The following APCDD1L variants were observed in gnomAD, a reference collection of about 807,000 sequenced individuals.
APCDD1L encodes the protein protein APCDD1-like.
APCDD1L carries 21 observed loss-of-function variants against 24.2 expected under a neutral mutation model. The ratio of observed to expected loss-of-function variants is 0.87; its 90% CI spans 0.61 to 1.25. The LOEUF (loss-of-function observed/expected upper bound fraction) is 1.25. Ranked by LOEUF, APCDD1L falls within the 50% of genes most tolerant of loss-of-function variation. The pLI, the probability that APCDD1L is intolerant of heterozygous loss-of-function variation, is 0.00. For synonymous variants in APCDD1L, 321 were observed against 323.6 expected (o/e 0.99, Z 0.09); for missense variants, 704 against 711.7 (o/e 0.99, Z 0.12).
In APCDD1L at chr20:58,514,525, G is replaced by T. The variant is rs1990701198; in HGVS notation, c.49+134C>A. 35 of 918,852 alleles carry T rather than the reference G, an allele frequency of 3.8e-5. No homozygotes were observed. The South Asian group carries it at 5.6e-4, about 15-fold the overall frequency. The allele number at this position is 918,852 out of a possible 1,614,324, so 56.9% of individuals were successfully genotyped here. On this transcript the variant is annotated intron_variant, in intron 1 of 3. Transcript: ENST00000371149. ...GCCAGGTGAGACTGGAGAAAGGCGC[G>T]CAGGGCGCAGCATAGCAGCCGCGTG...
chr20:58,493,572 CATA>C (rs1452422424), intron 1 of APCDD1L, among the ~76,000 whole-genome samples: 13 of 152,208 alleles, frequency 8.5e-5, no homozygotes, highest in Middle Eastern at 3.4e-3. Flanking sequence ...ACCTTAGAAA[CATA>C]ATATCGAGTG....
In APCDD1L at chr20:58,461,388, G is replaced by C; in HGVS notation, c.908C>G (p.Thr303Ser). The C allele has an allele frequency of 1.9e-6, 3 of 1,557,536 alleles. No homozygotes were observed. In the South Asian group the frequency reaches 3.6e-5, roughly 19 times the overall value. Residue 303 changes from threonine (T) to serine (S), a missense_variant, in exon 4 of 4, where the codon ACT becomes AGT. Physicochemically the swap from Thr to Ser is moderately conservative, Grantham distance 58 (BLOSUM62 1). Coordinates refer to ENST00000371149, the MANE Select transcript of APCDD1L (RefSeq NM_153360.3). This position sits in a 1 kb window ranked among gnomAD's most constrained non-coding sequence, Gnocchi z 6.0. ...CCAGGAGCGGCTGTGCCCGTGGAAA[G>C]TGAAGAGCCGGGTGAGGAACAGGAC... The part of the protein sequence containing the change: ...PAVLFLTRLF[T>S]FHGHSRSWEG...
In APCDD1L at chr20:58,494,364, G is replaced by T. The variant is rs1452182150; in HGVS notation, c.49+20295C>A. ...TTCTTTCCTTTTTTCTTGAGTCAGG[G>T]TTTCATTCTGTCGCATAGGCTAGAG... On this transcript the variant is annotated intron_variant, in intron 1 of 3. Transcript: ENST00000371149. This position sits in a 1 kb window ranked among gnomAD's most constrained non-coding sequence, Gnocchi z 4.8. Among the ~76,000 whole-genome samples the T allele has an allele frequency of 1.3e-5, 2 of 150,262 alleles. No homozygotes were observed. Among genetic ancestry groups the T allele is most frequent in the South Asian group, 4.2e-4 (2 of 4,758 alleles).
intron 2 of APCDD1L, among the ~76,000 whole-genome samples, chr20:58,468,884 C>T (rs933115662): frequency 2.6e-5 from 4 of 151,972 alleles, no homozygotes; most frequent in Admixed American, 2.6e-4. Context: ...TTTTTTGTAC[C>T]AGGGCTGTTG....
intron 1 of APCDD1L, among the ~76,000 whole-genome samples, chr20:58,505,807 G>A (rs1010289209): frequency 1.3e-5 from 2 of 152,144 alleles, no homozygotes; most frequent in African/African-American, 2.4e-5. Flanking sequence ...AGCAGGGTGA[G>A]CCCTAAATCC....
At chr20:58,476,471 G>A (rs374947137) in intron 1 of APCDD1L, among the ~76,000 whole-genome samples, 2 of 152,230 alleles carry the variant, frequency 1.3e-5, no homozygotes, top group Admixed American at 6.5e-5. Flanking sequence ...TTACAGGCGT[G>A]AGCCACTGCG....
At chr20:58,473,087 C>T (rs1050877523) in intron 1 of APCDD1L, among the ~76,000 whole-genome samples, 1 of 152,116 alleles carries the variant, frequency 6.6e-6, no homozygotes, top group Non-Finnish European at 1.5e-5. Context: ...GGAAAAGGAT[C>T]AAAAGGGGTC....
chr20:58,513,976 G>A, intron 1 of APCDD1L: 1 of 1,286,814 alleles, frequency 7.8e-7, no homozygotes, highest in South Asian at 1.3e-5. Context: ...TTTGTCAGTG[G>A]TGACTGGGCC....
At position 58,461,151 on chromosome 20, in the gene APCDD1L, G is replaced by T; in HGVS notation, c.1145C>A (p.Ala382Glu). ...NFSEPSSCGG[A>E]GAWSMGTERD... ...CTCAGTGCCCATGGACCAGGCCCCC[G>T]CACCCCCACAGCTGCTTGGCTCAGA... Residue 382 changes from alanine (A) to glutamate (E), a missense_variant, in exon 4 of 4, where the codon GCG becomes GAG. By Grantham distance (107) the Ala-to-Glu change is moderately radical. Transcript: ENST00000371149. The surrounding 1 kb of genome is among the most constrained non-coding windows in gnomAD (Gnocchi z 6.0). 1 of 1,612,678 alleles carries T rather than the reference G, an allele frequency of 6.2e-7. No homozygotes were observed. The highest frequency in any genetic ancestry group is 8.5e-7 in the Non-Finnish European group (1 of 1,179,292).
Position 58,497,819 on chromosome 20 carries a change from C to A in APCDD1L, c.49+16840G>T, listed in dbSNP as rs1164941775. ...GATCACATGGCTGGTGGAGAAGGGA[C>A]CTTGTGCGGCCTCTATTAATAGATT... On this transcript the variant is annotated intron_variant, in intron 1 of 3. Transcript: ENST00000371149. This position sits in a 1 kb window ranked among gnomAD's most constrained non-coding sequence, Gnocchi z 4.3. Among the ~76,000 whole-genome samples the A allele has an allele frequency of 6.6e-6, 1 of 152,150 alleles. No individual in the cohort carries two copies. The highest frequency in any genetic ancestry group is 1.9e-4 in the East Asian group (1 of 5,190).
intron 1 of APCDD1L, among the ~76,000 whole-genome samples, chr20:58,493,398 A>G (rs1379701287): frequency 6.6e-6 from 1 of 152,254 alleles, no homozygotes; most frequent in Non-Finnish European, 1.5e-5. Context: ...CAACAAGTCC[A>G]AGAAGGTTCC....
intron 1 of APCDD1L, among the ~76,000 whole-genome samples, chr20:58,479,541 C>T (rs1186440399): frequency 6.6e-6 from 1 of 151,484 alleles, no homozygotes; most frequent in Non-Finnish European, 1.5e-5. Flanking sequence ...TTAGCCCAAA[C>T]AGTCCCTATC....
intron 1 of APCDD1L, among the ~76,000 whole-genome samples, chr20:58,478,917 G>A (rs77813321): frequency 6.6e-6 from 1 of 152,058 alleles, no homozygotes; most frequent in African/African-American, 2.4e-5. Flanking sequence ...GGAGATTGGT[G>A]TGTGAGCATC....
intron 1 of APCDD1L, among the ~76,000 whole-genome samples, chr20:58,506,022 C>A (rs901920269): frequency 2.0e-5 from 3 of 152,168 alleles, no homozygotes; most frequent in Non-Finnish European, 4.4e-5. Flanking sequence ...CATGGCCCCA[C>A]TGATACCTTG....
In APCDD1L at chr20:58,460,435, A is replaced by G. The variant is rs2180482; in HGVS notation, c.*355T>C. On this transcript the variant is annotated 3_prime_UTR_variant, in exon 4 of 4. Transcript: ENST00000371149. This position sits in a 1 kb window ranked among gnomAD's most constrained non-coding sequence, Gnocchi z 4.2. ...GTCAGGATGGGAAGAACTGGGGGGA[A>G]CATGGGATGGGGGTGTTCCGTGTGG... The G allele has an allele frequency of 0.19, 35,710 of 188,896 alleles. 3,765 individuals carry two copies. Among genetic ancestry groups the G allele is most frequent in the East Asian group, 0.33 (2,503 of 7,484 alleles). The allele number at this position is 188,896 out of a possible 1,614,324, so 11.7% of individuals were successfully genotyped here. A position where few individuals can be genotyped will look rare whatever the true frequency, so the allele number is the denominator to read the frequency against.
Position 58,460,901 on chromosome 20 carries a change from T to C in APCDD1L, c.1395A>G (p.Pro465=). The change falls in exon 4 of 4, where the codon CCA becomes CCG. Residue 465 remains proline, a synonymous_variant. Transcript: ENST00000371149. This position sits in a 1 kb window ranked among gnomAD's most constrained non-coding sequence, Gnocchi z 4.2. ...TCTGCAGCGATGGCCTGTGCTGCGG[T>C]GGCCTGGAGAAGTCGGGGGCCTCCC... ...CHGEAPDFSR[P]PQHRPSLQKH... is the part of the protein sequence containing the mutation. 2 of 1,609,184 alleles carry C rather than the reference T, an allele frequency of 1.2e-6. No individual in the cohort carries two copies. The highest frequency in any genetic ancestry group is 1.7e-6 in the Non-Finnish European group (2 of 1,176,756).
chr20:58,465,289 C>T (rs760107971), intron 3 of APCDD1L, among the ~76,000 whole-genome samples: 1 of 152,102 alleles, frequency 6.6e-6, no homozygotes, highest in Admixed American at 6.6e-5. Flanking sequence ...ATGAGAACTT[C>T]GTGTCGTGCT....
rs770513395 is a variant in APCDD1L at position 58,505,300 on chromosome 20, A to T, written c.49+9359T>A. ...GGCTCATCTTGAACTTCTGAACTCA[A>T]GTGATTCTCCCACTTTGGCCTCCCA... On this transcript the variant is annotated intron_variant, in intron 1 of 3. Transcript: ENST00000371149. 1.8e-4 allele frequency among the ~76,000 whole-genome samples: 28 copies of T among 152,078 alleles called. 1 individual carries two copies. Among genetic ancestry groups the T allele is most frequent in the Admixed American group, 1.6e-3 (24 of 15,276 alleles).
chr20:58,471,294 G>A (rs1189222285), intron 1 of APCDD1L, among the ~76,000 whole-genome samples: 3 of 152,228 alleles, frequency 2.0e-5, no homozygotes, highest in Non-Finnish European at 2.9e-5. Flanking sequence ...GAGGCCACTC[G>A]CTTCAGGTCT....
Sources: gnomAD v4.1 joint callset for allele counts (sites outside exome capture counted in the v4.1 genomes callset) on GRCh38, gnomAD v4.1.1 for gene constraint, Gnocchi (gnomAD v3.1) non-coding constraint, MANE v1.5 for transcripts, NCBI Gene and HGNC (gene_info 2026-07-23, HGNC 2026-07-21) for gene names.